The following BIN2 variants were observed in gnomAD, a reference collection of about 807,000 sequenced individuals.
The protein encoded by BIN2 is bridging integrator 2, also known as breast cancer associated protein BRAP1.
A neutral mutation model predicts 67.9 loss-of-function variants in BIN2; 43 were observed. That is an observed-to-expected ratio of 0.63 (90% CI 0.50 to 0.82). BIN2 has a LOEUF of 0.82. Among genes scored for constraint, BIN2 ranks in the 40% least tolerant of loss-of-function variants. The probability of loss-of-function intolerance (pLI) is 0.00; values close to 1 mark genes in which losing one functional copy is unlikely to be tolerated. For synonymous variants in BIN2, 244 were observed against 246.8 expected (o/e 0.99, Z 0.11); for missense variants, 581 against 671.6 (o/e 0.87, Z 1.49).
rs141313785 is a variant in BIN2 at position 51,292,590 on chromosome 12, G to A, written c.762-246C>T. ...CTGGAAAGAAACACTGCAAAATGTCGCAAATATTTCCTCTGGGGCAAAGAT... is the reference window on the plus strand; with the variant it reads ...CTGGAAAGAAACACTGCAAAATGTCACAAATATTTCCTCTGGGGCAAAGAT... On this transcript the variant is annotated intron_variant, in intron 9 of 12. Transcript: ENST00000615107. Among the ~76,000 whole-genome samples the A allele has an allele frequency of 3.8e-3, 571 of 152,192 alleles. 3 individuals carry two copies. Among genetic ancestry groups the A allele is most frequent in the African/African-American group, 0.013 (543 of 41,532 alleles).
At chr12:51,283,263 C>CA (rs56781092) in intron 12 of BIN2, among the ~76,000 whole-genome samples, 9 of 125,658 alleles carry the variant, frequency 7.2e-5, no homozygotes, top group African/African-American at 2.8e-4. Flanking sequence ...GACTCCATCT[C>CA]AAAAAAAAAA....
chr12:51,315,594 A>C (rs1946107183), intron 1 of BIN2, among the ~76,000 whole-genome samples: 1 of 152,142 alleles, frequency 6.6e-6, no homozygotes, highest in African/African-American at 2.4e-5. Context: ...CCCTGAAGAC[A>C]TTTTTTACTT....
Position 51,302,679 on chromosome 12 carries a change from C to T in BIN2, c.312+7G>A. On this transcript the variant is annotated splice_region_variant and intron_variant, in intron 4 of 12. Transcript: ENST00000615107. ...CCAATAAGTTGTAAAACTCAAGCCACTCTTACCCATACGATGGCCTTCAGC... is the reference window on the plus strand; with the variant it reads ...CCAATAAGTTGTAAAACTCAAGCCATTCTTACCCATACGATGGCCTTCAGC... The T allele has an allele frequency of 6.2e-7, 1 of 1,610,588 alleles. No homozygotes were observed. Among genetic ancestry groups the T allele is most frequent in the Non-Finnish European group, 8.5e-7 (1 of 1,176,942 alleles).
intron 1 of BIN2, chr12:51,323,021 T>C (rs1355978627): frequency 6.6e-6 from 1 of 152,134 alleles, no homozygotes; most frequent in Non-Finnish European, 1.5e-5. Context: ...GAGCTGTTCA[T>C]CCAAATGCTT....
intron 2 of BIN2, among the ~76,000 whole-genome samples, chr12:51,313,220 A>AAGGAAGGAAGGAAGGAAGGAAGGCAGGC (rs1319737260): frequency 8.0e-5 from 11 of 138,124 alleles, no homozygotes; most frequent in African/African-American, 2.7e-4. Flanking sequence ...GGAAGGAAGG[A>AAGGAAGGAAGGAAGGAAGGAAGGCAGGC]AGGCAGGAAG....
chr12:51,295,480 A>G (rs1203969940), intron 9 of BIN2, among the ~76,000 whole-genome samples: 11 of 148,052 alleles, frequency 7.4e-5, no homozygotes, highest in African/African-American at 1.5e-4. Context: ...GGAGAATGGC[A>G]TGAACCCGGG....
chr12:51,297,573 T>TA (rs1390957361), intron 7 of BIN2, among the ~76,000 whole-genome samples: 1 of 151,710 alleles, frequency 6.6e-6, no homozygotes, highest in Non-Finnish European at 1.5e-5. Context: ...TTTTAAAAAA[T>TA]AAAAAAAGAA....
chr12:51,299,845 TTTG>T (rs1243526802), intron 5 of BIN2, 131 bp from the exon 6 acceptor site: 4 of 777,540 alleles, frequency 5.1e-6, no homozygotes, highest in Non-Finnish European at 8.3e-6. Context: ...GTTTTTTGCT[TTTG>T]TTTTTTTTGA....
chr12:51,316,353 G>A (rs953495833), intron 1 of BIN2, among the ~76,000 whole-genome samples: 4 of 149,262 alleles, frequency 2.7e-5, no homozygotes, highest in African/African-American at 5.0e-5. Flanking sequence ...AAAATTAGCC[G>A]GGAGTGGTGG....
At chr12:51,302,234 A>T (rs138511136) in intron 4 of BIN2, 119 bp from the exon 5 acceptor site, 1 of 676,066 alleles carries the variant, frequency 1.5e-6, no homozygotes, top group African/African-American at 1.8e-5. Context: ...TTAGAATACC[A>T]TGTTGGATTC....
chr12:51,291,132 GA>G (rs1945369504), intron 10 of BIN2, among the ~76,000 whole-genome samples: 1 of 152,070 alleles, frequency 6.6e-6, no homozygotes, highest in African/African-American at 2.4e-5. Flanking sequence ...CTGGGTGACA[GA>G]GCGAGACTCC....
At chr12:51,296,968 A>G (rs977571480) in intron 8 of BIN2, 121 bp downstream of exon 8, 1 of 868,656 alleles carries the variant, frequency 1.2e-6, no homozygotes, top group East Asian at 2.6e-5. Flanking sequence ...TTTCATCATG[A>G]GAGAAAAGCC....
Position 51,295,146 on chromosome 12 carries a change from T to C in BIN2, c.761+650A>G, listed in dbSNP as rs886507837. ...TTTTTGTAGAGATGAGATTTCACTA[T>C]GTTGCCCAGACTGGTTTCAAACTCC... On this transcript the variant is annotated intron_variant, in intron 9 of 12. Coordinates refer to ENST00000615107, the MANE Select transcript of BIN2 (RefSeq NM_016293.4). Among the ~76,000 whole-genome samples, 8 of 152,130 alleles carry C rather than the reference T, an allele frequency of 5.3e-5. 1 individual carries two copies. The South Asian group carries it at 1.7e-3, about 32-fold the overall frequency.
chr12:51,295,546 G>A (rs547513607), intron 9 of BIN2, among the ~76,000 whole-genome samples: 3 of 111,986 alleles, frequency 2.7e-5, no homozygotes, highest in African/African-American at 7.3e-5. Flanking sequence ...CTGGGCGACA[G>A]AGTGAGACTC....
chr12:51,303,408 A>C (rs745546580), intron 2 of BIN2, among the ~76,000 whole-genome samples: 1 of 152,156 alleles, frequency 6.6e-6, no homozygotes, highest in Non-Finnish European at 1.5e-5. Flanking sequence ...CCCAAGTTCC[A>C]CTGTTGAAAG....
At chr12:51,287,953 G>A (rs538832694) in intron 11 of BIN2, among the ~76,000 whole-genome samples, 155 bp downstream of exon 11, 13 of 152,172 alleles carry the variant, frequency 8.5e-5, no homozygotes, top group African/African-American at 2.4e-4. Flanking sequence ...GCCCGGCCAG[G>A]ACAAGTTTTA....
chr12:51,310,863 G>A (rs1945975179), intron 2 of BIN2, among the ~76,000 whole-genome samples: 1 of 151,640 alleles, frequency 6.6e-6, no homozygotes, highest in African/African-American at 2.4e-5. Flanking sequence ...GACTCAGTCA[G>A]TCCTCTTGCC....
At chr12:51,310,027 T>C (rs1400849629) in intron 2 of BIN2, among the ~76,000 whole-genome samples, 2 of 152,180 alleles carry the variant, frequency 1.3e-5, no homozygotes, top group African/African-American at 2.4e-5. Context: ...AAAGCTGAGT[T>C]TAAGTCTAAA....
intron 9 of BIN2, among the ~76,000 whole-genome samples, chr12:51,293,402 C>A (rs529872161): frequency 1.3e-5 from 2 of 152,146 alleles, no homozygotes; most frequent in African/African-American, 4.8e-5. Flanking sequence ...CTCTGACTCC[C>A]GGGTTCATGC....
Sources: gnomAD v4.1 joint callset for allele counts (sites outside exome capture counted in the v4.1 genomes callset) on GRCh38, gnomAD v4.1.1 for gene constraint, MANE v1.5 for transcripts, NCBI Gene and HGNC (gene_info 2026-07-23, HGNC 2026-07-21) for gene names.